Variants in EXOC3L1 observed in about 807,000 individuals in gnomAD.
EXOC3L1 encodes the protein exocyst complex component 3-like protein.
In EXOC3L1, 79 loss-of-function variants were observed where a neutral mutation model predicts 83.6. That is an observed-to-expected ratio of 0.95 (90% CI 0.79 to 1.14). The LOEUF is 1.14. EXOC3L1 is among the 50% of genes most tolerant of loss of function. The pLI is 0.00. For missense variants in EXOC3L1, 945 were observed against 972.0 expected, an observed-to-expected ratio of 0.97 and a Z score of 0.37; for synonymous variants, 433 against 451.2, an observed-to-expected ratio of 0.96 and a Z score of 0.51.
At chr16:67,185,316 G>C in intron 10 of EXOC3L1, 45 bp downstream of exon 10, 1 of 1,612,864 alleles carries the variant, frequency 6.2e-7, no homozygotes, top group Non-Finnish European at 8.5e-7. Context: ...TAGCTGTACC[G>C]CCACCTCTCC....
At chr16:67,189,469 G>T (rs550186433) in intron 2 of EXOC3L1, among the ~76,000 whole-genome samples, 162 bp downstream of exon 2, 2 of 152,116 alleles carry the variant, frequency 1.3e-5, no homozygotes, top group African/African-American at 4.8e-5. Flanking sequence ...TAGAGACGGG[G>T]TTTCACTATG....
At chr16:67,185,834 A>G (rs1284023596) in intron 9 of EXOC3L1, among the ~76,000 whole-genome samples, 2 of 152,170 alleles carry the variant, frequency 1.3e-5, no homozygotes, top group African/African-American at 4.8e-5. Flanking sequence ...ACCAAAAAGA[A>G]CATACCACCC....
At position 67,185,492 on chromosome 16, in the gene EXOC3L1, T is replaced by G; in HGVS notation, c.1497-2A>C. On this transcript the variant is annotated splice_acceptor_variant, in intron 9 of 13. Coordinates refer to ENST00000314586, the MANE Select transcript of EXOC3L1 (RefSeq NM_178516.4). LOFTEE classifies it high-confidence loss of function. ...AGCTGCAGGACAGACACTGAGGAGC[T>G]GGACCAAGCAAAACTACGGCTTCAG... is the stretch of plus-strand genomic sequence containing the variant. 1 of 1,605,934 alleles carries G rather than the reference T, an allele frequency of 6.2e-7. No homozygotes were observed.
At position 67,187,516 on chromosome 16, in the gene EXOC3L1, C is replaced by T. The variant is rs749062879; in HGVS notation, c.749G>A (p.Arg250Lys). ...CTGCTCCAGGCCCTCCTGTAGTGCC[C>T]TCAGACAGCGCTGACGCCAGTCCCG... Reference protein sequence around the residue: ...VPRDWRQRCLRALQEGLEQAH... With the variant: ...VPRDWRQRCLKALQEGLEQAH... The change falls in exon 5 of 14, where the codon AGG (arginine) becomes AAG (lysine). Residue 250 changes from arginine to lysine, a missense_variant. Transcript: ENST00000314586. 2 of 1,602,764 alleles carry T rather than the reference C, an allele frequency of 1.2e-6. No individual in the cohort carries two copies. The highest frequency in any genetic ancestry group is 1.7e-6 in the Non-Finnish European group (2 of 1,178,446).
Position 67,184,522 on chromosome 16 carries a change from C to A in EXOC3L1, c.2113G>T (p.Ala705Ser). 2 of 1,522,102 alleles carry A rather than the reference C, an allele frequency of 1.3e-6. No homozygotes were observed. The highest frequency in any genetic ancestry group is 1.2e-5 in the South Asian group (1 of 82,512). 94.3% of individuals were successfully genotyped at this position (1,522,102 alleles called of 1,614,324 possible). A position where few individuals can be genotyped will look rare whatever the true frequency, so the allele number is the denominator to read the frequency against. The change falls in exon 14 of 14, where the codon GCT (alanine) becomes TCT (serine). Residue 705 changes from alanine (A) to serine (S), a missense_variant. Coordinates refer to ENST00000314586, the MANE Select transcript of EXOC3L1 (RefSeq NM_178516.4). Reference protein sequence around the residue: ...QHLAALSSLQAALPPSPRASR... With the variant: ...QHLAALSSLQSALPPSPRASR... ...GCGCGGGGCGACGGCGGCAGCGCAG[C>A]CTGCAGGGAGCTGAGCGCGGCCAGG... is the stretch of plus-strand genomic sequence containing the variant.
Position 67,189,053 on chromosome 16 carries a change from C to T in EXOC3L1, c.174G>A (p.Val58=), listed in dbSNP as rs749202494. 6.2e-6 allele frequency: 10 copies of T among 1,607,484 alleles called. No individual in the cohort carries two copies. The Admixed American group carries it at 1.5e-4, about 24-fold the overall frequency. Residue 58 remains valine, a synonymous_variant, in exon 3 of 14, where the codon GTG becomes GTA. Coordinates refer to ENST00000314586, the MANE Select transcript of EXOC3L1 (RefSeq NM_178516.4). ...GCGATTCCAGGGAGCAGGTACGCTG[C>T]ACCTCGCGGCTGCGGTACTGGCCTA... ...ARLGQYRSRE[V]QRTCSLESRL...
At position 67,185,258 on chromosome 16, in the gene EXOC3L1, G is replaced by T; in HGVS notation, c.1627C>A (p.Pro543Thr). The T allele has an allele frequency of 1.2e-6, 2 of 1,613,390 alleles. No homozygotes were observed. ...VLEALQAELQPLFADLPSRQW... is the reference protein window; with the variant it reads ...VLEALQAELQTLFADLPSRQW... ...CGCGAGGGCAGATCCGCGAACAGGG[G>T]CTGGGGAAATGATCCAGATCTGGCA... is the stretch of plus-strand genomic sequence containing the variant. The change falls in exon 11 of 14, where the codon CCC becomes ACC. Residue 543 changes from proline (P) to threonine (T), a missense_variant and splice_region_variant. Transcript: ENST00000314586.
In EXOC3L1 at chr16:67,184,477, T is replaced by G; in HGVS notation, c.2158A>C (p.Ser720Arg). ...GCGAGCGCGGGCGCGGGCACTAGGC[T>G]GAAGAGGACGCGGCGGCTCGCGCGG... ...SPRASRRVLF[S>R]LVPAPALAPA... Residue 720 changes from serine (S) to arginine (R), a missense_variant, in exon 14 of 14, where the codon AGC becomes CGC. Transcript: ENST00000314586. The G allele has an allele frequency of 6.5e-7, 1 of 1,528,188 alleles. No individual in the cohort carries two copies. The highest frequency in any genetic ancestry group is 8.7e-7 in the Non-Finnish European group (1 of 1,143,826). The allele number at this position is 1,528,188 out of a possible 1,614,324, so 94.7% of individuals were successfully genotyped here. A position where few individuals can be genotyped will look rare whatever the true frequency, so the allele number is the denominator to read the frequency against.
At chr16:67,188,611 G>A (rs1209796013) in intron 4 of EXOC3L1, 110 bp downstream of exon 4, 9 of 1,040,530 alleles carry the variant, frequency 8.6e-6, no homozygotes, top group Non-Finnish European at 1.2e-5. Context: ...GGAGGTCCCT[G>A]GTGTGCTGCT....
chr16:67,185,712 G>A (rs1022151590), intron 9 of EXOC3L1: 5 of 579,220 alleles, frequency 8.6e-6, no homozygotes, highest in Non-Finnish European at 1.2e-5. Flanking sequence ...TCAAATTCGC[G>A]GTGCGTCCTT....
At position 67,186,641 on chromosome 16, in the gene EXOC3L1, A is replaced by G. The variant is rs1368015249; in HGVS notation, c.1301T>C (p.Ile434Thr). 2.5e-6 allele frequency: 4 copies of G among 1,614,076 alleles called. No individual in the cohort carries two copies. Among genetic ancestry groups the G allele is most frequent in the Non-Finnish European group, 3.4e-6 (4 of 1,179,994 alleles). ...AIVLQILEEN[I>T]RVASLVSESL... ...CTCACTGACCAGGCTGGCCACACGAATGTTCTCTTCCAGGATCTGCAGGCA... is the reference window on the plus strand; with the variant it reads ...CTCACTGACCAGGCTGGCCACACGAGTGTTCTCTTCCAGGATCTGCAGGCA... The change falls in exon 8 of 14, where the codon ATT (isoleucine) becomes ACT (threonine). Residue 434 changes from isoleucine (I) to threonine (T), a missense_variant. By Grantham distance (89) the Ile-to-Thr change is moderately conservative. Transcript: ENST00000314586.
At position 67,185,126 on chromosome 16, in the gene EXOC3L1, C is replaced by T. The variant is rs964039669; in HGVS notation, c.1749+10G>A. ...CGCCGCCCCTTCCCCAATCTTTTCC[C>T]CCAACCCACCTGAACCGTGGGGTTC... On this transcript the variant is annotated intron_variant, in intron 11 of 13. Coordinates refer to ENST00000314586, the MANE Select transcript of EXOC3L1 (RefSeq NM_178516.4). 4.3e-6 allele frequency: 7 copies of T among 1,613,178 alleles called. No individual in the cohort carries two copies. The East Asian group carries it at 1.6e-4, about 36-fold the overall frequency.
chr16:67,187,893 G>A, intron 4 of EXOC3L1, 56 bp from the exon 5 acceptor site: 3 of 1,514,970 alleles, frequency 2.0e-6, no homozygotes, highest in Middle Eastern at 1.9e-4. Flanking sequence ...CCGCCTCAAT[G>A]TGTACAGCAG....
rs1348601984 is a variant in EXOC3L1 at position 67,186,220 on chromosome 16, T to TG, written c.1496+16dup. 2 of 1,540,840 alleles carry TG rather than the reference T, an allele frequency of 1.3e-6. No individual in the cohort carries two copies. Among genetic ancestry groups the TG allele is most frequent in the African/African-American group, 1.4e-5 (1 of 72,890 alleles). On this transcript the variant is annotated intron_variant, in intron 9 of 13. Transcript: ENST00000314586. ...GGGGGTTAGTGAAGGTGGGGTTCCC[T>TG]GGGGGCCTTCTGGTACCTGAGTGCT... is the stretch of plus-strand genomic sequence containing the variant.
Position 67,186,233 on chromosome 16 carries a change from G to GT in EXOC3L1, c.1496+3dup, listed in dbSNP as rs2032717845. ...GGTGGGGTTCCCTGGGGGCCTTCTG[G>GT]TACCTGAGTGCTGACTTGTGGTTGA... is the stretch of plus-strand genomic sequence containing the variant. On this transcript the variant is annotated splice_donor_region_variant and intron_variant, in intron 9 of 13. Coordinates refer to ENST00000314586, the MANE Select transcript of EXOC3L1 (RefSeq NM_178516.4). 1 of 1,562,472 alleles carries GT rather than the reference G, an allele frequency of 6.4e-7. No homozygotes were observed. Among genetic ancestry groups the GT allele is most frequent in the East Asian group, 2.4e-5 (1 of 41,994 alleles).
Position 67,189,155 on chromosome 16 carries a change from C to T in EXOC3L1, c.72G>A (p.Arg24=). ...CTGCACCCCGGGCCAGCTGCTCTGC[C>T]CGCTCCTGCTCTGGCCACTCAGGTC... ...SPGPEWPEQE[R]AEQLARGAAL... The change falls in exon 3 of 14, where the codon CGG becomes CGA. Residue 24 remains arginine (R), a synonymous_variant. Transcript: ENST00000314586. 1 of 1,606,012 alleles carries T rather than the reference C, an allele frequency of 6.2e-7. No homozygotes were observed. The highest frequency in any genetic ancestry group is 8.5e-7 in the Non-Finnish European group (1 of 1,179,124).
At chr16:67,186,976 A>G (rs2032747746) in intron 6 of EXOC3L1, 45 bp downstream of exon 6, 2 of 1,612,296 alleles carry the variant, frequency 1.2e-6, no homozygotes, top group African/African-American at 2.7e-5. Flanking sequence ...AAAGGCCCAC[A>G]GCAGATAAGT....
intron 9 of EXOC3L1, chr16:67,185,750 T>G: frequency 1.8e-6 from 1 of 564,506 alleles, no homozygotes; most frequent in Non-Finnish European, 3.2e-6. Context: ...GGTTTCTGTT[T>G]CCTCATTCGT....
At chr16:67,185,781 G>A in intron 9 of EXOC3L1, 1 of 536,850 alleles carries the variant, frequency 1.9e-6, no homozygotes, top group East Asian at 3.2e-5. Context: ...AAGTATCCCA[G>A]TGAGGAGGGA....
Sources: gnomAD v4.1 joint callset for allele counts (sites outside exome capture counted in the v4.1 genomes callset) on GRCh38, gnomAD v4.1.1 for gene constraint, MANE v1.5 for transcripts, NCBI Gene and HGNC (gene_info 2026-07-23, HGNC 2026-07-21) for gene names.